Variants in CECR2 observed in about 807,000 individuals in gnomAD.
CECR2 encodes CECR2 histone acetyl-lysine reader.
Under a neutral mutation model 154.5 loss-of-function variants are expected in CECR2, and 30 were observed. That is an observed-to-expected ratio of 0.19 (90% confidence interval 0.15 to 0.26). CECR2 has a LOEUF of 0.26. Ranked by LOEUF, CECR2 falls within the 10% of genes least tolerant of loss-of-function variation. The pLI is 1.00. For missense variants in CECR2, 1,743 were observed against 1,829.3 expected (o/e 0.95, Z 0.86); for synonymous variants, 725 against 683.7 (o/e 1.06, Z -0.94).
intron 16 of CECR2, among the ~76,000 whole-genome samples, chr22:17,546,156 A>G (rs2056610376): frequency 6.6e-6 from 1 of 152,192 alleles, no homozygotes; most frequent in South Asian, 2.1e-4. Flanking sequence ...ATTTTCTAAT[A>G]TTGATTTCAA....
intron 2 of CECR2, among the ~76,000 whole-genome samples, chr22:17,491,583 G>GGT (rs1333343043): frequency 1.7e-5 from 2 of 115,182 alleles, no homozygotes; most frequent in African/African-American, 3.1e-5. Context: ...GTGTGTGTGT[G>GGT]GGGGGGTGGG....
intron 1 of CECR2, among the ~76,000 whole-genome samples, chr22:17,436,422 T>C (rs1468578863): frequency 2.0e-5 from 3 of 152,144 alleles, no homozygotes; most frequent in African/African-American, 7.2e-5. Context: ...GAAACTGGAG[T>C]GACGGAAGAA....
intron 8 of CECR2, among the ~76,000 whole-genome samples, chr22:17,512,457 C>T (rs1346014665): frequency 6.6e-6 from 1 of 152,018 alleles, no homozygotes; most frequent in Non-Finnish European, 1.5e-5. Flanking sequence ...AATCCGAGCA[C>T]TTTAAGAGGC....
chr22:17,376,776 T>A (rs1218284088), intron 1 of CECR2, among the ~76,000 whole-genome samples: 1 of 151,782 alleles, frequency 6.6e-6, no homozygotes, highest in African/African-American at 2.4e-5. Flanking sequence ...GTAGCTGGGA[T>A]TTCAGACATG....
rs866614508 is a variant in CECR2, at chr22:17,516,972, G to A, written c.954+5076G>A. Among the ~76,000 whole-genome samples the A allele has an allele frequency of 7.9e-5, 12 of 151,362 alleles. No individual in the cohort carries two copies. In the South Asian group the frequency reaches 8.4e-4, roughly 11 times the overall value. The stretch of plus-strand genomic sequence containing the variant: ...GTCGCCCAGGCTGGAGTGCAGTGGC[G>A]TGATCTCAGCTCACTGCAACCTCTG... On this transcript the variant is annotated intron_variant, in intron 8 of 18. Coordinates refer to ENST00000262608, the MANE Select transcript of CECR2 (RefSeq NM_001290047.2).
At chr22:17,480,898 GGC>G (rs1569109562) in intron 2 of CECR2, among the ~76,000 whole-genome samples, 4 of 151,822 alleles carry the variant, frequency 2.6e-5, no homozygotes. Flanking sequence ...AAATTAGCCA[GGC>G]GTGGTGGTGC....
chr22:17,457,121 G>T (rs1043587210), intron 1 of CECR2, among the ~76,000 whole-genome samples: 13 of 152,216 alleles, frequency 8.5e-5, no homozygotes, highest in Non-Finnish European at 2.9e-5. Context: ...CCGCCCCCGC[G>T]GGTTCAAGCG....
chr22:17,477,348 C>T (rs1021071819), intron 1 of CECR2, among the ~76,000 whole-genome samples: 4 of 151,940 alleles, frequency 2.6e-5, no homozygotes, highest in African/African-American at 7.3e-5. Context: ...TCTCATGTGC[C>T]GGTAAGAGGA....
At chr22:17,517,972 G>A (rs2056088293) in intron 8 of CECR2, among the ~76,000 whole-genome samples, 1 of 152,094 alleles carries the variant, frequency 6.6e-6, no homozygotes, top group African/African-American at 2.4e-5. Context: ...CCAGCAGTGA[G>A]TGTTACTCAC....
chr22:17,537,320 C>G, intron 10 of CECR2, 88 bp downstream of exon 10: 2 of 1,482,864 alleles, frequency 1.3e-6, no homozygotes, highest in Non-Finnish European at 1.9e-6. Context: ...ATCCTTAGAA[C>G]AGCCCTGTTG....
At chr22:17,442,550 T>A (rs2054600841) in intron 1 of CECR2, among the ~76,000 whole-genome samples, 1 of 151,978 alleles carries the variant, frequency 6.6e-6, no homozygotes, top group Non-Finnish European at 1.5e-5. Context: ...GGTTTTTTTG[T>A]TTGTTTTGTG....
At chr22:17,475,566 T>C (rs937426029) in intron 1 of CECR2, among the ~76,000 whole-genome samples, 2 of 152,168 alleles carry the variant, frequency 1.3e-5, no homozygotes, top group Non-Finnish European at 2.9e-5. Flanking sequence ...TGTCTGGGAC[T>C]GTAGGCATGC....
intron 1 of CECR2, among the ~76,000 whole-genome samples, chr22:17,392,696 AC>A: frequency 6.6e-6 from 1 of 151,294 alleles, no homozygotes; most frequent in African/African-American, 2.4e-5. Flanking sequence ...AAAAAAAAAA[AC>A]AGCTTTATTG....
At chr22:17,405,498 G>A (rs1198411014) in intron 1 of CECR2, among the ~76,000 whole-genome samples, 1 of 137,106 alleles carries the variant, frequency 7.3e-6, no homozygotes, top group East Asian at 2.2e-4. Flanking sequence ...AAATTAGACG[G>A]GTGTGGTGGC....
intron 9 of CECR2, among the ~76,000 whole-genome samples, chr22:17,526,215 A>G (rs1280070052): frequency 6.6e-6 from 1 of 152,194 alleles, no homozygotes; most frequent in East Asian, 1.9e-4. Context: ...CCTAAGCAAA[A>G]ATAACAAACC....
At chr22:17,498,262 G>C (rs1024589775) in intron 3 of CECR2, among the ~76,000 whole-genome samples, 2 of 152,140 alleles carry the variant, frequency 1.3e-5, no homozygotes, top group Non-Finnish European at 2.9e-5. Flanking sequence ...GTGGTGGCAG[G>C]CGCCTGTAGT....
chr22:17,456,368 T>A (rs2146716344), intron 1 of CECR2, among the ~76,000 whole-genome samples: 1 of 152,318 alleles, frequency 6.6e-6, no homozygotes, highest in South Asian at 2.1e-4. Flanking sequence ...GCCATTCTTC[T>A]AAGAGGTGAA....
At chr22:17,372,298 TA>T (rs2063070650) in intron 1 of CECR2, among the ~76,000 whole-genome samples, 1 of 152,206 alleles carries the variant, frequency 6.6e-6, no homozygotes, top group Non-Finnish European at 1.5e-5. Flanking sequence ...AATTTTAACT[TA>T]CGCTTTTTAG....
intron 9 of CECR2, among the ~76,000 whole-genome samples, chr22:17,530,660 G>C (rs2056340412): frequency 6.6e-6 from 1 of 151,222 alleles, no homozygotes; most frequent in South Asian, 2.1e-4. Flanking sequence ...CTGGGCAACA[G>C]AGCGAGACTC....
Sources: gnomAD v4.1 joint callset for allele counts (sites outside exome capture counted in the v4.1 genomes callset) on GRCh38, gnomAD v4.1.1 for gene constraint, MANE v1.5 for transcripts, NCBI Gene and HGNC (gene_info 2026-07-23, HGNC 2026-07-21) for gene names.